Variants in CFAP96 observed in about 807,000 individuals in gnomAD.
CFAP96 encodes the protein cilia-and flagella-associated protein 96.
chr4:185,437,156 A>T, the CFAP96 span, among the ~76,000 whole-genome samples: 1 of 152,202 alleles, frequency 6.6e-6, no homozygotes, highest in East Asian at 1.9e-4. Context: ...GAGAGAATGG[A>T]TGAATCCTGT....
At chr4:185,444,889 A>G in the CFAP96 span, 1 of 1,367,434 alleles carries the variant, frequency 7.3e-7, no homozygotes, top group South Asian at 1.4e-5. Context: ...AAAAATATGT[A>G]TGAACTTCTT....
the CFAP96 span, among the ~76,000 whole-genome samples, chr4:185,410,475 C>A: frequency 6.6e-6 from 1 of 151,640 alleles, no homozygotes; most frequent in African/African-American, 2.4e-5. Context: ...ATGATGAAAC[C>A]CTGTCTCTAC....
chr4:185,423,054 T>A, the CFAP96 span, among the ~76,000 whole-genome samples: 1 of 152,206 alleles, frequency 6.6e-6, no homozygotes, highest in Admixed American at 6.5e-5. Context: ...GGACGGGATC[T>A]CAGAATATTG....
chr4:185,413,468 A>C, the CFAP96 span, among the ~76,000 whole-genome samples: 1 of 152,182 alleles, frequency 6.6e-6, no homozygotes, highest in South Asian at 2.1e-4. Context: ...CAGGTTCAGA[A>C]TGAAAAAAAA....
chr4:185,443,921 CTTTTTTTTTTTTTTTT>C, the CFAP96 span, among the ~76,000 whole-genome samples: 237 of 82,854 alleles, frequency 2.9e-3, 47 homozygotes, highest in Middle Eastern at 7.2e-3. Flanking sequence ...CTATATCTTT[CTTTTTTTTTTTTTTTT>C]TTTTTTTTTT....
chr4:185,427,285 T>G, the CFAP96 span, among the ~76,000 whole-genome samples: 2 of 152,226 alleles, frequency 1.3e-5, no homozygotes, highest in African/African-American at 4.8e-5. Context: ...AGTTTGGTTT[T>G]AAAGCATCTC....
At chr4:185,409,298 TA>T in the CFAP96 span, among the ~76,000 whole-genome samples, 1 of 152,222 alleles carries the variant, frequency 6.6e-6, no homozygotes, top group Non-Finnish European at 1.5e-5. Context: ...TAATATCATA[TA>T]AATTCTTACT....
chr4:185,415,643 T>C, the CFAP96 span: 3 of 1,380,692 alleles, frequency 2.2e-6, no homozygotes, highest in Non-Finnish European at 3.0e-6. Flanking sequence ...ACCTACAGGA[T>C]ATACAAACAT....
chr4:185,415,828 T>C, the CFAP96 span: 2 of 1,613,460 alleles, frequency 1.2e-6, no homozygotes, highest in East Asian at 4.5e-5. Flanking sequence ...GCCAGGGAGG[T>C]TGACATTTCC....
chr4:185,426,043 ACGGCGAGGCGGGG>A, the CFAP96 span: 2 of 688,272 alleles, frequency 2.9e-6, no homozygotes, highest in East Asian at 5.6e-5. Flanking sequence ...TCCCTCGCGG[ACGGCGAGGCGGGG>A]CGGGTAGCCG....
the CFAP96 span, among the ~76,000 whole-genome samples, chr4:185,417,827 C>T: frequency 2.0e-5 from 3 of 151,976 alleles, no homozygotes; most frequent in Non-Finnish European, 2.9e-5. Flanking sequence ...GTGGATCGCC[C>T]GAGGTCAGGA....
At chr4:185,445,610 T>C in the CFAP96 span, 1 of 1,019,172 alleles carries the variant, frequency 9.8e-7, no homozygotes, top group African/African-American at 1.6e-5. Context: ...TGAGAAAAAG[T>C]ATATTATCAA....
the CFAP96 span, chr4:185,425,890 C>G: frequency 5.6e-6 from 9 of 1,596,190 alleles, no homozygotes; most frequent in South Asian, 1.1e-5. Context: ...GGCGGTGACA[C>G]GGGCGCTGAC....
the CFAP96 span, chr4:185,418,759 T>C: frequency 1.9e-6 from 3 of 1,583,882 alleles, no homozygotes; most frequent in Non-Finnish European, 2.6e-6. Context: ...AGTGCCTTCT[T>C]GAGAAAAATT....
chr4:185,443,507 C>A, the CFAP96 span, among the ~76,000 whole-genome samples: 1 of 150,840 alleles, frequency 6.6e-6, no homozygotes, highest in African/African-American at 2.4e-5. Flanking sequence ...TGCCACCACG[C>A]CTGGCTAATT....
chr4:185,448,955 G>A, the CFAP96 span, among the ~76,000 whole-genome samples: 1,283 of 148,470 alleles, frequency 8.6e-3, 15 homozygotes, highest in African/African-American at 0.032. Flanking sequence ...TGAATTTATT[G>A]AAATCTCTTT....
At chr4:185,430,257 G>A in the CFAP96 span, among the ~76,000 whole-genome samples, 2 of 152,138 alleles carry the variant, frequency 1.3e-5, no homozygotes, top group South Asian at 2.1e-4. Context: ...ATATTTAAAT[G>A]TCTCAGTTCA....
At chr4:185,436,712 A>AAATAAT in the CFAP96 span, among the ~76,000 whole-genome samples, 27,649 of 143,978 alleles carry the variant, frequency 0.19, 3,168 homozygotes, top group Non-Finnish European at 0.26. Context: ...TCCGTCTCAA[A>AAATAAT]AATAATAATA....
At chr4:185,443,342 A>ATATATATATATAT in the CFAP96 span, among the ~76,000 whole-genome samples, 5 of 26,726 alleles carry the variant, frequency 1.9e-4, no homozygotes, top group Admixed American at 5.2e-4. Context: ...ATATATATAT[A>ATATATATATATAT]TTTTTTTTTT....
Sources: gnomAD v4.1 joint callset for allele counts (sites outside exome capture counted in the v4.1 genomes callset) on GRCh38, gnomAD v4.1.1 for gene constraint, MANE v1.5 for transcripts, NCBI Gene and HGNC (gene_info 2026-07-23, HGNC 2026-07-21) for gene names.